The following FARS2 variants were observed in gnomAD, a reference collection of about 807,000 sequenced individuals.
The protein encoded by FARS2 is phenylalanyl-tRNA synthetase 2, mitochondrial.
Under a neutral mutation model 46.4 loss-of-function variants are expected in FARS2, and 40 were observed. The ratio of observed to expected loss-of-function variants is 0.86; its 90% CI spans 0.67 to 1.12. FARS2 has a LOEUF of 1.12. Among genes scored for constraint, FARS2 ranks in the 50% most tolerant of loss-of-function variants. The pLI is 0.00. For synonymous variants in FARS2, 234 were observed against 214.9 expected (o/e 1.09, Z -0.78); for missense variants, 513 against 567.9 (o/e 0.90, Z 0.98).
At chr6:5,459,301 C>T (rs1023920114) in intron 4 of FARS2, among the ~76,000 whole-genome samples, 26 of 152,142 alleles carry the variant, frequency 1.7e-4, no homozygotes, top group African/African-American at 5.5e-4. Flanking sequence ...TTTCACAACT[C>T]TTTTGGACAG....
At chr6:5,494,079 C>T (rs376825413) in intron 4 of FARS2, among the ~76,000 whole-genome samples, 343 of 149,854 alleles carry the variant, frequency 2.3e-3, no homozygotes, top group African/African-American at 8.2e-3. Context: ...ATACTCCTTA[C>T]GTTGTTTTTC....
chr6:5,385,240 G>A (rs1443388740), intron 2 of FARS2, among the ~76,000 whole-genome samples: 1 of 152,176 alleles, frequency 6.6e-6, no homozygotes, highest in African/African-American at 2.4e-5. Flanking sequence ...CCACTTGGAT[G>A]AGTTTGCTAT....
intron 4 of FARS2, among the ~76,000 whole-genome samples, chr6:5,455,900 A>G (rs1764823325): frequency 1.3e-5 from 2 of 152,180 alleles, no homozygotes; most frequent in Admixed American, 1.3e-4. Context: ...TACTCCCTCC[A>G]TGCATCAAGC....
intron 1 of FARS2, among the ~76,000 whole-genome samples, chr6:5,325,109 G>A (rs946976940): frequency 2.0e-5 from 3 of 152,188 alleles, no homozygotes; most frequent in Non-Finnish European, 4.4e-5. Context: ...GGAGGGAATG[G>A]CTGAACATTG....
intron 6 of FARS2, among the ~76,000 whole-genome samples, chr6:5,647,633 G>A (rs1777144375): frequency 6.6e-6 from 1 of 152,188 alleles, no homozygotes; most frequent in Non-Finnish European, 1.5e-5. Context: ...TTCATTCAGA[G>A]GTAAGAGAAG....
At chr6:5,550,858 G>C (rs1053726647) in intron 5 of FARS2, among the ~76,000 whole-genome samples, 6 of 152,194 alleles carry the variant, frequency 3.9e-5, no homozygotes, top group Admixed American at 3.3e-4. Context: ...CGCCTGAGGG[G>C]ATCCTTGACT....
rs1775285510 is a variant in FARS2 at position 5,613,233 on chromosome 6, C to T, written c.1130C>T (p.Ala377Val). ...ISFWLPSENY[A>V]ENDFYDLVRT... The stretch of plus-strand genomic sequence containing the variant: ...TTCTGGTTGCCCTCTGAGAATTACG[C>T]AGAAAATGATTTCTATGACTTAGTC... The change falls in exon 6 of 7, where the codon GCA (alanine) becomes GTA (valine). Residue 377 changes from alanine (A) to valine (V), a missense_variant. Transcript: ENST00000274680. 1 of 1,613,064 alleles carries T rather than the reference C, an allele frequency of 6.2e-7. No individual in the cohort carries two copies. The highest frequency in any genetic ancestry group is 8.5e-7 in the Non-Finnish European group (1 of 1,179,268).
At chr6:5,301,064 G>A (rs1239351792) in intron 1 of FARS2, among the ~76,000 whole-genome samples, 1 of 151,970 alleles carries the variant, frequency 6.6e-6, no homozygotes, top group African/African-American at 2.4e-5. Flanking sequence ...TGTGCTTACT[G>A]GGGGTGGGAG....
At chr6:5,369,341 G>T (rs1194148956) in intron 2 of FARS2, among the ~76,000 whole-genome samples, 159 bp downstream of exon 2, 1 of 152,090 alleles carries the variant, frequency 6.6e-6, no homozygotes, top group Non-Finnish European at 1.5e-5. Flanking sequence ...GTATAGGTGT[G>T]CCCCAGTACT....
chr6:5,294,444 C>T (rs555797064), intron 1 of FARS2, among the ~76,000 whole-genome samples: 11 of 152,174 alleles, frequency 7.2e-5, no homozygotes, highest in Non-Finnish European at 1.6e-4. Flanking sequence ...TGGGTTTTTT[C>T]CCCATACACC....
intron 1 of FARS2, among the ~76,000 whole-genome samples, chr6:5,275,435 A>T (rs1766268298): frequency 6.6e-6 from 1 of 152,148 alleles, no homozygotes; most frequent in Non-Finnish European, 1.5e-5. Flanking sequence ...TACATAATAG[A>T]AGGTTCCTGG....
At chr6:5,524,796 T>C (rs1769359777) in intron 4 of FARS2, among the ~76,000 whole-genome samples, 3 of 152,216 alleles carry the variant, frequency 2.0e-5, no homozygotes, top group African/African-American at 7.2e-5. Flanking sequence ...GCAGGGTCTG[T>C]GCTCTTAACT....
intron 5 of FARS2, among the ~76,000 whole-genome samples, 197 bp downstream of exon 5, chr6:5,545,537 G>A (rs548118499): frequency 2.6e-5 from 4 of 151,222 alleles, no homozygotes; most frequent in African/African-American, 9.8e-5. Context: ...GGTTTGCTGT[G>A]CCTATCAACC....
chr6:5,483,167 A>C (rs1025129275), intron 4 of FARS2, among the ~76,000 whole-genome samples: 1 of 152,228 alleles, frequency 6.6e-6, no homozygotes, highest in Non-Finnish European at 1.5e-5. Flanking sequence ...AATTTCTAAA[A>C]GTATTCAGTG....
At chr6:5,528,128 A>G (rs1184664372) in intron 4 of FARS2, among the ~76,000 whole-genome samples, 3 of 151,956 alleles carry the variant, frequency 2.0e-5, no homozygotes, top group African/African-American at 7.3e-5. Flanking sequence ...TTCATTTCAC[A>G]TTTCTATCTT....
intron 5 of FARS2, among the ~76,000 whole-genome samples, chr6:5,546,150 T>C (rs996269118): frequency 4.6e-5 from 7 of 151,062 alleles, no homozygotes; most frequent in African/African-American, 1.7e-4. Context: ...AGTTCCTAAA[T>C]AGAGGTCCAT....
At chr6:5,276,783 C>A (rs1315774978) in intron 1 of FARS2, among the ~76,000 whole-genome samples, 1 of 152,188 alleles carries the variant, frequency 6.6e-6, no homozygotes, top group Non-Finnish European at 1.5e-5. Flanking sequence ...GCTGGCTGTA[C>A]TAAGCCGGGC....
chr6:5,591,189 A>G (rs1262670010), intron 5 of FARS2, among the ~76,000 whole-genome samples: 1 of 152,206 alleles, frequency 6.6e-6, no homozygotes, highest in Admixed American at 6.5e-5. Context: ...TGACAAAGTT[A>G]TAAATTAATT....
chr6:5,290,357 T>TA (rs1767418181), intron 1 of FARS2, among the ~76,000 whole-genome samples: 1 of 152,222 alleles, frequency 6.6e-6, no homozygotes, highest in Non-Finnish European at 1.5e-5. Flanking sequence ...GAAACCATGG[T>TA]ATCTCACAGA....
Sources: allele counts gnomAD v4.1 joint callset (sites outside exome capture counted in the v4.1 genomes callset), GRCh38; gene constraint gnomAD v4.1.1; transcripts MANE v1.5; gene names NCBI Gene and HGNC (gene_info 2026-07-23, HGNC 2026-07-21).